The following CROT variants were observed in gnomAD, a reference collection of about 807,000 sequenced individuals.
The protein encoded by CROT is carnitine O-octanoyltransferase.
A neutral mutation model predicts 89.2 loss-of-function variants in CROT; 84 were observed. That is an observed-to-expected ratio of 0.94 (90% CI 0.79 to 1.13). The LOEUF is 1.13. Among genes scored for constraint, CROT ranks in the 50% most tolerant of loss-of-function variants. The pLI is 0.00. For synonymous variants in CROT, 212 were observed against 239.5 expected, an observed-to-expected ratio of 0.89 and a Z score of 1.06; for missense variants, 711 against 727.8, an observed-to-expected ratio of 0.98 and a Z score of 0.27.
intron 17 of CROT, among the ~76,000 whole-genome samples, chr7:87,393,619 G>T (rs976517189): frequency 6.6e-5 from 10 of 152,080 alleles, no homozygotes; most frequent in African/African-American, 2.4e-4. Context: ...TGATAGCAAG[G>T]CTTGTAAGGT....
At chr7:87,359,133 A>T (rs1270195722) in intron 3 of CROT, 73 bp from the exon 4 acceptor site, 1 of 992,420 alleles carries the variant, frequency 1.0e-6, no homozygotes, top group Admixed American at 2.0e-5. Flanking sequence ...TAAGATTTGC[A>T]TAAGTTAGTA....
At chr7:87,358,261 A>G (rs1268579248) in intron 3 of CROT, among the ~76,000 whole-genome samples, 1 of 151,612 alleles carries the variant, frequency 6.6e-6, no homozygotes, top group Non-Finnish European at 1.5e-5. Flanking sequence ...GTAGATCACG[A>G]GGTCAGGAGA....
chr7:87,357,486 C>T (rs757110345), intron 3 of CROT: 15 of 1,551,662 alleles, frequency 9.7e-6, no homozygotes, highest in South Asian at 7.1e-5. Context: ...CATGGGATCT[C>T]ATCCTAATGT....
At position 87,369,612 on chromosome 7, in the gene CROT, A is replaced by T. The variant is rs74941924; in HGVS notation, c.656+128A>T. On this transcript the variant is annotated intron_variant, in intron 7 of 17. Transcript: ENST00000331536. The stretch of plus-strand genomic sequence containing the variant: ...ATAAGAATTTTATGCATGCTTTTTT[A>T]AAAAAAAATCTATTTGTATTTTTTA... 7.3e-3 allele frequency: 2,431 copies of T among 335,122 alleles called. 15 individuals are homozygous for T. Among genetic ancestry groups the T allele is most frequent in the African/African-American group, 0.013 (499 of 38,004 alleles). The allele number at this position is 335,122 out of a possible 1,614,324, so 20.8% of individuals were successfully genotyped here.
At chr7:87,346,916 G>A (rs1324339100) in intron 2 of CROT, among the ~76,000 whole-genome samples, 1 of 152,204 alleles carries the variant, frequency 6.6e-6, no homozygotes, top group Admixed American at 6.5e-5. Flanking sequence ...CAAGGTTTCT[G>A]TAGATTTGGA....
At position 87,382,160 on chromosome 7, in the gene CROT, T is replaced by G. The variant is rs764118679; in HGVS notation, c.1149T>G (p.Ala383=). The G allele has an allele frequency of 6.2e-7, 1 of 1,611,448 alleles. No individual in the cohort carries two copies. Among genetic ancestry groups the G allele is most frequent in the Non-Finnish European group, 8.5e-7 (1 of 1,177,806 alleles). The change falls in exon 12 of 18, where the codon GCT becomes GCG. Residue 383 remains alanine, a synonymous_variant. Coordinates refer to ENST00000331536, the MANE Select transcript of CROT (RefSeq NM_021151.4). ...DEKVLNDINQ[A]KAQYLREASD... Reference sequence around the variant, plus strand: ...AAGTTTTAAATGACATCAACCAAGCTAAAGCCCAGTATCTCAGGGAGGTAT... The same window carrying G: ...AAGTTTTAAATGACATCAACCAAGCGAAAGCCCAGTATCTCAGGGAGGTAT...
chr7:87,386,446 A>G (rs915396563), intron 13 of CROT, among the ~76,000 whole-genome samples: 8 of 152,166 alleles, frequency 5.3e-5, no homozygotes, highest in African/African-American at 1.9e-4. Flanking sequence ...ATTTGTTGGC[A>G]TATAGTTACT....
chr7:87,363,812 T>A (rs1225302444), intron 6 of CROT, among the ~76,000 whole-genome samples: 1 of 152,228 alleles, frequency 6.6e-6, no homozygotes, highest in Non-Finnish European at 1.5e-5. Context: ...AAAGTTGTTC[T>A]TGTATTCCAA....
chr7:87,376,540 T>G (rs1806818009), intron 9 of CROT, among the ~76,000 whole-genome samples: 2 of 152,052 alleles, frequency 1.3e-5, no homozygotes, highest in Admixed American at 1.3e-4. Flanking sequence ...TCATAGTCTT[T>G]TGAAAATACT....
Position 87,377,371 on chromosome 7 carries a change from G to A in CROT, c.899G>A (p.Gly300Glu). ...TAGATTATTGCAGCCATCCTTATTG[G>A]AGATCCAACAGTACGCTGGGGTGAC... is the stretch of plus-strand genomic sequence containing the variant. ...YSEIIAAILIGDPTVRWGDKS... is the reference protein window; with the variant it reads ...YSEIIAAILIEDPTVRWGDKS... The change falls in exon 10 of 18, where the codon GGA (glycine) becomes GAA (glutamate). Residue 300 changes from glycine (G) to glutamate (E), a missense_variant. Gly to Glu is a moderately conservative substitution (Grantham distance 98). Coordinates refer to ENST00000331536, the MANE Select transcript of CROT (RefSeq NM_021151.4). The A allele has an allele frequency of 6.2e-7, 1 of 1,607,602 alleles. No homozygotes were observed. Among genetic ancestry groups the A allele is most frequent in the Non-Finnish European group, 8.5e-7 (1 of 1,175,448 alleles).
Position 87,399,194 on chromosome 7 carries a change from G to A in CROT, c.*550G>A, listed in dbSNP as rs1040621977. Reference sequence around the variant, plus strand: ...TGGTGATCTAAAATAACTTTTTTGGGCTGGGTGCAGTGGCTCATGCCTATA... The same window carrying A: ...TGGTGATCTAAAATAACTTTTTTGGACTGGGTGCAGTGGCTCATGCCTATA... On this transcript the variant is annotated 3_prime_UTR_variant, in exon 18 of 18. Transcript: ENST00000331536. 1 of 153,314 alleles carries A rather than the reference G, an allele frequency of 6.5e-6. No individual in the cohort carries two copies. Among genetic ancestry groups the A allele is most frequent in the Non-Finnish European group, 1.5e-5 (1 of 68,922 alleles). 9.5% of individuals were successfully genotyped at this position (153,314 alleles called of 1,614,324 possible).
intron 3 of CROT, among the ~76,000 whole-genome samples, chr7:87,351,570 G>A (rs1157270495): frequency 6.6e-6 from 1 of 152,016 alleles, no homozygotes; most frequent in African/African-American, 2.4e-5. Flanking sequence ...ATTTCATTTT[G>A]AGAGTAGTAC....
At chr7:87,361,273 T>C in intron 4 of CROT, 117 bp from the exon 5 acceptor site, 1 of 1,095,144 alleles carries the variant, frequency 9.1e-7, no homozygotes, top group South Asian at 1.5e-5. Flanking sequence ...AAAAAACATG[T>C]TTTTAAATGT....
chr7:87,365,232 T>C (rs536736823), intron 6 of CROT, among the ~76,000 whole-genome samples: 2 of 152,200 alleles, frequency 1.3e-5, no homozygotes, highest in Non-Finnish European at 2.9e-5. Flanking sequence ...CTCATGCCTG[T>C]AATCCCAGCA....
At chr7:87,390,930 A>AT (rs1382716243) in intron 13 of CROT, among the ~76,000 whole-genome samples, 1 of 152,172 alleles carries the variant, frequency 6.6e-6, no homozygotes, top group Non-Finnish European at 1.5e-5. Flanking sequence ...TTTGTGGGTC[A>AT]TTTTTTGTGA....
chr7:87,395,831 G>T (rs1807505431), intron 17 of CROT, among the ~76,000 whole-genome samples: 2 of 151,984 alleles, frequency 1.3e-5, no homozygotes, highest in African/African-American at 4.8e-5. Flanking sequence ...CTAGATCGGG[G>T]GTTATAAGGA....
intron 3 of CROT, among the ~76,000 whole-genome samples, chr7:87,356,920 G>T (rs945149928): frequency 1.3e-5 from 2 of 152,164 alleles, no homozygotes; most frequent in Non-Finnish European, 2.9e-5. Flanking sequence ...TACTTGGGAG[G>T]CTGAGGCAGG....
At chr7:87,381,872 C>A in intron 10 of CROT, 38 bp from the exon 11 acceptor site, 1 of 1,400,226 alleles carries the variant, frequency 7.1e-7, no homozygotes, top group Non-Finnish European at 1.0e-6. Flanking sequence ...TTTAAGTTGA[C>A]ATAAAGTATT....
chr7:87,375,495 C>A (rs1402404994), intron 7 of CROT, 137 bp from the exon 8 acceptor site: 3 of 579,794 alleles, frequency 5.2e-6, no homozygotes, highest in Non-Finnish European at 9.1e-6. Flanking sequence ...TGTAGGAAAT[C>A]TATTGGCATC....
Sources: allele counts gnomAD v4.1 joint callset (sites outside exome capture counted in the v4.1 genomes callset), GRCh38; gene constraint gnomAD v4.1.1; transcripts MANE v1.5; gene names NCBI Gene and HGNC (gene_info 2026-07-23, HGNC 2026-07-21).